BCOR: variants seen among roughly 807,000 people sequenced by gnomAD.
BCOR encodes BCL-6 corepressor.
In BCOR, 10 loss-of-function variants were observed where a neutral mutation model predicts 86.7. That is an observed-to-expected ratio of 0.12 (90% CI 0.07 to 0.20). The LOEUF is 0.20. Ranked by LOEUF, BCOR falls within the 10% of genes least tolerant of loss-of-function variation. The probability of loss-of-function intolerance (pLI) is 1.00; values close to 1 mark genes in which losing one functional copy is unlikely to be tolerated. For missense variants in BCOR, 1,259 were observed against 1,452.1 expected (o/e 0.87, Z 2.16); for synonymous variants, 611 against 609.0 (o/e 1.00, Z -0.05).
rs1934291906 is a variant in BCOR at position 40,051,296 on chromosome X, T to C, written c.*813A>G. 6.0e-6 allele frequency: 1 copy of C among 167,389 alleles called. No individual in the cohort carries two copies. The highest frequency in any genetic ancestry group is 1.1e-5 in the Non-Finnish European group (1 of 87,060). 13.8% of individuals were successfully genotyped at this position (167,389 alleles called of 1,213,427 possible). A position where few individuals can be genotyped will look rare whatever the true frequency, so the allele number is the denominator to read the frequency against. On this transcript the variant is annotated 3_prime_UTR_variant, in exon 15 of 15. Transcript: ENST00000378444. ...TTTTATTGCCTTTTAAGAAAATTTT[T>C]GTAAAATATAAATACAAAGGCAGAG...
chrX:40,170,573 T>A (rs1418546128), intron 1 of BCOR, among the ~76,000 whole-genome samples: 1 of 111,318 alleles, frequency 9.0e-6, no homozygotes, highest in Non-Finnish European at 1.9e-5. Flanking sequence ...GGTCTCGAAC[T>A]CCTGACCTCA....
At chrX:40,123,795 TTGTG>T (rs59910543) in intron 1 of BCOR, among the ~76,000 whole-genome samples, 2,871 of 103,959 alleles carry the variant, frequency 0.028, 47 homozygotes, top group Admixed American at 0.082. Context: ...GGTTTCCTGG[TTGTG>T]TGTGTGTGTG....
At chrX:40,079,756 G>A (rs1935989567) in intron 1 of BCOR, among the ~76,000 whole-genome samples, 2 of 111,112 alleles carry the variant, frequency 1.8e-5, no homozygotes, top group Non-Finnish European at 3.8e-5. Flanking sequence ...AAGGGTTCGT[G>A]GGCTTTTCTT....
At chrX:40,054,165 C>T (rs1934467459) in intron 13 of BCOR, 91 bp downstream of exon 13, 1 of 1,093,021 alleles carries the variant, frequency 9.1e-7, no homozygotes, top group Non-Finnish European at 1.3e-6. Flanking sequence ...GCTTCCAGTG[C>T]CCACCATCCA....
chrX:40,084,422 G>A (rs1936254918), intron 1 of BCOR, among the ~76,000 whole-genome samples: 1 of 112,033 alleles, frequency 8.9e-6, no homozygotes, highest in Non-Finnish European at 1.9e-5. Flanking sequence ...TCAAGAGAGG[G>A]CAAATTTAGA....
At chrX:40,170,355 G>GT (rs757220964) in intron 1 of BCOR, among the ~76,000 whole-genome samples, 2,408 of 101,260 alleles carry the variant, frequency 0.024, 51 homozygotes, top group African/African-American at 0.072. Flanking sequence ...TTTGGTTTTG[G>GT]TTTTTTTTTT....
At chrX:40,092,275 C>T (rs1423860713) in intron 1 of BCOR, among the ~76,000 whole-genome samples, 1 of 112,003 alleles carries the variant, frequency 8.9e-6, no homozygotes, top group African/African-American at 3.2e-5. Flanking sequence ...CGGCGCGGGC[C>T]CCACCCAAGT....
intron 1 of BCOR, among the ~76,000 whole-genome samples, chrX:40,142,023 A>G (rs762563072): frequency 1.8e-5 from 2 of 111,920 alleles, no homozygotes; most frequent in East Asian, 2.8e-4. Context: ...GGCCTTTGTC[A>G]CCAGGCACAT....
intron 1 of BCOR, among the ~76,000 whole-genome samples, chrX:40,094,274 G>A (rs1243632566): frequency 8.9e-6 from 1 of 112,261 alleles, no homozygotes; most frequent in Non-Finnish European, 1.9e-5. Flanking sequence ...CAGCCGGGAG[G>A]GAGCCTGCAT....
At chrX:40,135,020 G>A (rs1937650012) in intron 1 of BCOR, among the ~76,000 whole-genome samples, 1 of 111,561 alleles carries the variant, frequency 9.0e-6, no homozygotes, top group African/African-American at 3.3e-5. Context: ...CCCAAAATTA[G>A]AAATCATCAC....
At chrX:40,111,009 G>C (rs753058155) in intron 1 of BCOR, among the ~76,000 whole-genome samples, 1 of 110,418 alleles carries the variant, frequency 9.1e-6, no homozygotes, top group African/African-American at 3.3e-5. Flanking sequence ...CACCACGCCC[G>C]GCCGAGAATC....
chrX:40,141,539 G>A (rs1196986591), intron 1 of BCOR, among the ~76,000 whole-genome samples: 1 of 111,733 alleles, frequency 8.9e-6, no homozygotes, highest in Non-Finnish European at 1.9e-5. Context: ...TCCGTGTGCA[G>A]TGCTAAACCT....
At position 40,073,395 on chromosome X, in the gene BCOR, T is replaced by C. The variant is rs772207877; in HGVS notation, c.1951A>G (p.Ile651Val). 1 of 1,212,319 alleles carries C rather than the reference T, an allele frequency of 8.2e-7. No individual in the cohort carries two copies. Among genetic ancestry groups the C allele is most frequent in the Non-Finnish European group, 1.1e-6 (1 of 895,558 alleles). Residue 651 changes from isoleucine to valine, a missense_variant, in exon 4 of 15, where the codon ATT (isoleucine) becomes GTT (valine). Physicochemically the swap from Ile to Val is conservative, Grantham distance 29. Around this residue, in one of 7 missense-constraint regions of BCOR, gnomAD observed 534 missense variants for 594.8 expected, o/e 0.90. Coordinates refer to ENST00000378444, the MANE Select transcript of BCOR (RefSeq NM_001123385.2). The stretch of plus-strand genomic sequence containing the variant: ...GGGAGGTAACTCCTGGGGTAGGGAA[T>C]TGGTGGGGACCTGAATGCCTCATTT... ...SPNEAFRSPPIPYPRSYLPYP... is the reference protein window; with the variant it reads ...SPNEAFRSPPVPYPRSYLPYP...
intron 6 of BCOR, among the ~76,000 whole-genome samples, chrX:40,069,458 C>T (rs1935364622): frequency 8.9e-6 from 1 of 112,232 alleles, no homozygotes; most frequent in Non-Finnish European, 1.9e-5. Flanking sequence ...CCATTGGCCA[C>T]ACCGAGTTAC....
chrX:40,124,553 G>A (rs1051236000), intron 1 of BCOR, among the ~76,000 whole-genome samples: 2 of 110,465 alleles, frequency 1.8e-5, no homozygotes, highest in Admixed American at 1.9e-4. Flanking sequence ...GTGAGCCACG[G>A]CACCTAGCCC....
chrX:40,056,921 A>G (rs1309172782), intron 11 of BCOR, among the ~76,000 whole-genome samples: 1 of 112,512 alleles, frequency 8.9e-6, no homozygotes, highest in Non-Finnish European at 1.9e-5. Flanking sequence ...CAACATTTTC[A>G]GAAGCTTTGG....
At chrX:40,171,644 G>T (rs773294150) in intron 1 of BCOR, among the ~76,000 whole-genome samples, 1 of 113,099 alleles carries the variant, frequency 8.8e-6, no homozygotes, top group African/African-American at 3.2e-5. Context: ...GGGAGCAGGG[G>T]GTGCCCCGCG....
intron 6 of BCOR, among the ~76,000 whole-genome samples, chrX:40,069,567 C>T (rs1308603988): frequency 8.9e-6 from 1 of 112,344 alleles, no homozygotes; most frequent in Admixed American, 9.4e-5. Context: ...CTCCAGGCCC[C>T]CAGCCATCTA....
chrX:40,075,314 G>A (rs1179005760), intron 3 of BCOR, 134 bp from the exon 4 acceptor site: 3 of 476,575 alleles, frequency 6.3e-6, no homozygotes, highest in East Asian at 4.9e-5. Flanking sequence ...GGCTTCCGGC[G>A]GGGCGGGGGT....
Sources: gnomAD v4.1 joint callset for allele counts (sites outside exome capture counted in the v4.1 genomes callset) on GRCh38, gnomAD v4.1.1 for gene constraint, gnomAD v4.1.1 regional missense constraint, MANE v1.5 for transcripts, NCBI Gene and HGNC (gene_info 2026-07-23, HGNC 2026-07-21) for gene names.